NEGR1: variants seen among roughly 807,000 people sequenced by gnomAD.
NEGR1 encodes neuronal growth regulator 1, also known as IgLON family member 4.
NEGR1 carries 10 observed loss-of-function variants against 40.9 expected under a neutral mutation model. The ratio of observed to expected loss-of-function variants is 0.24; its 90% CI spans 0.15 to 0.42. The LOEUF (loss-of-function observed/expected upper bound fraction) is 0.42. NEGR1 is among the 10% of genes least tolerant of loss of function. The pLI, the probability that NEGR1 is intolerant of heterozygous loss-of-function variation, is 1.00. For missense variants in NEGR1, 352 were observed against 438.9 expected, an observed-to-expected ratio of 0.80 and a Z score of 1.77; for synonymous variants, 185 against 166.8, an observed-to-expected ratio of 1.11 and a Z score of -0.84.
chr1:72,165,985 G>A (rs1369397078), intron 1 of NEGR1, among the ~76,000 whole-genome samples: 7 of 151,942 alleles, frequency 4.6e-5, no homozygotes, highest in Admixed American at 6.6e-5. Context: ...CTTGAACTAC[G>A]TTAGGCAATA....
At chr1:72,145,439 TAG>T (rs1570037605) in intron 1 of NEGR1, among the ~76,000 whole-genome samples, 1 of 152,116 alleles carries the variant, frequency 6.6e-6, no homozygotes, top group Non-Finnish European at 1.5e-5. Flanking sequence ...TAGCAGAAAA[TAG>T]AGTTTGCAAG....
At chr1:72,131,062 A>G (rs1172771211) in intron 1 of NEGR1, among the ~76,000 whole-genome samples, 1 of 152,184 alleles carries the variant, frequency 6.6e-6, no homozygotes, top group Non-Finnish European at 1.5e-5. Flanking sequence ...ATTTATATCC[A>G]CTTAATTGGC....
intron 1 of NEGR1, among the ~76,000 whole-genome samples, chr1:72,243,956 A>G (rs1451447380): frequency 6.6e-6 from 1 of 151,866 alleles, no homozygotes. Flanking sequence ...TTAGGTTAAT[A>G]GGTGATTTAT....
chr1:71,507,929 T>G (rs1028934460), intron 6 of NEGR1, among the ~76,000 whole-genome samples: 2 of 152,122 alleles, frequency 1.3e-5, no homozygotes, highest in African/African-American at 4.8e-5. Context: ...CCAATAGCAC[T>G]CCTTAGGATT....
chr1:71,558,997 T>A (rs895996751), intron 6 of NEGR1, among the ~76,000 whole-genome samples: 1 of 132,364 alleles, frequency 7.6e-6, no homozygotes, highest in African/African-American at 2.8e-5. Context: ...TATGTTTATT[T>A]ATTTATCTTC....
chr1:72,144,277 G>T (rs1026959819), intron 1 of NEGR1, among the ~76,000 whole-genome samples: 2 of 151,474 alleles, frequency 1.3e-5, no homozygotes, highest in African/African-American at 4.8e-5. Flanking sequence ...GATTAGCCAG[G>T]TTTGTACTAG....
intron 2 of NEGR1, among the ~76,000 whole-genome samples, chr1:71,820,542 C>G (rs1658390404): frequency 6.6e-6 from 1 of 151,906 alleles, no homozygotes. Context: ...ATCATGGTCT[C>G]CTTGTTAGAG....
intron 1 of NEGR1, among the ~76,000 whole-genome samples, chr1:72,235,276 C>T (rs904760433): frequency 6.6e-6 from 1 of 152,104 alleles, no homozygotes; most frequent in Non-Finnish European, 1.5e-5. Context: ...GTGGTTACAA[C>T]ACAGAGCGCT....
At chr1:71,870,996 C>T (rs545563176) in intron 2 of NEGR1, among the ~76,000 whole-genome samples, 1 of 152,200 alleles carries the variant, frequency 6.6e-6, no homozygotes, top group East Asian at 1.9e-4. Context: ...ATACGAATAC[C>T]TGGGGATAAG....
chr1:71,545,133 G>T (rs1356190836), intron 6 of NEGR1, among the ~76,000 whole-genome samples: 1 of 151,554 alleles, frequency 6.6e-6, no homozygotes, highest in African/African-American at 2.4e-5. Flanking sequence ...ACAAAAAAAT[G>T]AACTGCCCCA....
chr1:71,932,851 T>C (rs992475189), intron 2 of NEGR1, among the ~76,000 whole-genome samples: 19 of 152,102 alleles, frequency 1.2e-4, no homozygotes, highest in African/African-American at 4.3e-4. Flanking sequence ...AGTTTACTTT[T>C]GTTCATTGAG....
chr1:71,942,477 ATATATATTTTTTTTTTTTTTT>A (rs576595710), intron 1 of NEGR1, among the ~76,000 whole-genome samples: 337 of 14,882 alleles, frequency 0.023, 10 homozygotes, highest in African/African-American at 0.07. Flanking sequence ...ATATATATAT[ATATATATTTTTTTTTTTTTTT>A]TTTTTTTTTT....
In NEGR1 at chr1:71,953,175, T is replaced by C. The variant is rs530241579; in HGVS notation, c.177-17864A>G. ...TTAAGAAATACATTTTATAAAGCTATTGTTTCCACAGATAGTGATTTCTCT... is the reference window on the plus strand; with the variant it reads ...TTAAGAAATACATTTTATAAAGCTACTGTTTCCACAGATAGTGATTTCTCT... On this transcript the variant is annotated intron_variant, in intron 1 of 6. Transcript: ENST00000357731. Among the ~76,000 whole-genome samples the C allele has an allele frequency of 2.0e-5, 3 of 152,126 alleles. No individual in the cohort carries two copies. In the East Asian group the frequency reaches 5.8e-4, roughly 29 times the overall value.
intron 4 of NEGR1, among the ~76,000 whole-genome samples, chr1:71,632,468 C>T (rs1352727016): frequency 6.6e-6 from 1 of 150,730 alleles, no homozygotes; most frequent in South Asian, 2.1e-4. Flanking sequence ...TAATATGATA[C>T]AAATTGATTT....
chr1:72,025,788 G>T (rs1387996598), intron 1 of NEGR1, among the ~76,000 whole-genome samples: 1 of 152,142 alleles, frequency 6.6e-6, no homozygotes, highest in Non-Finnish European at 1.5e-5. Context: ...CTACGTTGCA[G>T]TTCTGGAGAA....
chr1:71,412,028 T>A (rs907850399), intron 6 of NEGR1, among the ~76,000 whole-genome samples: 1 of 151,848 alleles, frequency 6.6e-6, no homozygotes, highest in Non-Finnish European at 1.5e-5. Flanking sequence ...CTATCCTAGC[T>A]CACCTTCAAG....
chr1:71,473,587 A>G (rs1203288787), intron 6 of NEGR1, among the ~76,000 whole-genome samples: 1 of 152,120 alleles, frequency 6.6e-6, no homozygotes, highest in African/African-American at 2.4e-5. Flanking sequence ...ACAGACCTCT[A>G]TGCAGTATAA....
At chr1:72,028,647 G>A (rs527756977) in intron 1 of NEGR1, among the ~76,000 whole-genome samples, 153 of 152,226 alleles carry the variant, frequency 1.0e-3, no homozygotes, top group African/African-American at 3.5e-3. Context: ...CCTTTACCTA[G>A]TATAACTTCC....
rs140358161 is a variant in NEGR1 at position 72,114,918 on chromosome 1, T to C, written c.176+167401A>G. 7.7e-4 allele frequency among the ~76,000 whole-genome samples: 117 copies of C among 151,910 alleles called. 1 individual carries two copies. Among genetic ancestry groups the C allele is most frequent in the Non-Finnish European group, 1.5e-3 (100 of 67,818 alleles). ...GAAGTTAGTGTACTCATAAAAAGTTTGTCTTTTTGAACAAAGTTGAGTATT... is the reference window on the plus strand; with the variant it reads ...GAAGTTAGTGTACTCATAAAAAGTTCGTCTTTTTGAACAAAGTTGAGTATT... On this transcript the variant is annotated intron_variant, in intron 1 of 6. Coordinates refer to ENST00000357731, the MANE Select transcript of NEGR1 (RefSeq NM_173808.3).
Sources: allele counts gnomAD v4.1 joint callset (sites outside exome capture counted in the v4.1 genomes callset), GRCh38; gene constraint gnomAD v4.1.1; transcripts MANE v1.5; gene names NCBI Gene and HGNC (gene_info 2026-07-23, HGNC 2026-07-21).